The following MYH13 variants were observed in gnomAD, a reference collection of about 807,000 sequenced individuals.
MYH13 encodes myosin-13.
A neutral mutation model predicts 232.1 loss-of-function variants in MYH13; 177 were observed. The ratio of observed to expected loss-of-function variants is 0.76; its 90% CI spans 0.67 to 0.86. The LOEUF (loss-of-function observed/expected upper bound fraction) is 0.86. Ranked by LOEUF, MYH13 falls within the 40% of genes least tolerant of loss-of-function variation. MYH13 has a pLI of 0.00. For synonymous variants in MYH13, 884 were observed against 923.5 expected, an observed-to-expected ratio of 0.96 and a Z score of 0.78; for missense variants, 2,246 against 2,405.9, an observed-to-expected ratio of 0.93 and a Z score of 1.39.
At chr17:10,356,506 G>A (rs1280465028) in intron 8 of MYH13, among the ~76,000 whole-genome samples, 2 of 152,156 alleles carry the variant, frequency 1.3e-5, no homozygotes, top group South Asian at 4.1e-4. Flanking sequence ...GTCCAGGCAT[G>A]GGTAACATAC....
rs1367057597 is a variant in MYH13, at chr17:10,304,058, G to A, written c.5467-560C>T. Among the ~76,000 whole-genome samples the A allele has an allele frequency of 6.6e-6, 1 of 152,142 alleles. No homozygotes were observed. Among genetic ancestry groups the A allele is most frequent in the Admixed American group, 6.5e-5 (1 of 15,278 alleles). On this transcript the variant is annotated intron_variant, in intron 37 of 40. Transcript: ENST00000252172. This position sits in a 1 kb window ranked among gnomAD's most constrained non-coding sequence, Gnocchi z 5.3. ...CACATATTCTCACTCATAAGTGGGA[G>A]TTGAACAATGAGAACACATGGTCAC...
Position 10,343,844 on chromosome 17 carries a change from T to G in MYH13, c.1850A>C (p.Lys617Thr). 6.2e-7 allele frequency: 1 copy of G among 1,610,522 alleles called. No homozygotes were observed. Among genetic ancestry groups the G allele is most frequent in the Non-Finnish European group, 8.5e-7 (1 of 1,177,828 alleles). The part of the protein sequence containing the change: ...VVGLYQKSSL[K>T]LLSFLFSNYA... Reference sequence around the variant, plus strand: ...GTTGGAAAAAAGGAAGGAGAGAAGCTTCAGCGAAGACTTCTGGTACAGCCC... The same window carrying G: ...GTTGGAAAAAAGGAAGGAGAGAAGCGTCAGCGAAGACTTCTGGTACAGCCC... Residue 617 changes from lysine (K) to threonine (T), a missense_variant, in exon 16 of 41, where the codon AAG becomes ACG. Transcript: ENST00000252172.
At chr17:10,349,136 A>T (rs904658311) in intron 12 of MYH13, among the ~76,000 whole-genome samples, 3 of 144,142 alleles carry the variant, frequency 2.1e-5, no homozygotes, top group African/African-American at 7.8e-5. Flanking sequence ...GAGTTTCACG[A>T]TTTTCACCCA....
intron 13 of MYH13, 73 bp from the exon 14 acceptor site, chr17:10,345,689 T>TTA (rs2071658593): frequency 6.2e-7 from 1 of 1,610,070 alleles, no homozygotes; most frequent in South Asian, 1.1e-5. Context: ...ACATATGAAA[T>TTA]TGACTCGAAA....
At chr17:10,311,266 C>T (rs780393823) in intron 32 of MYH13, 39 bp from the exon 33 acceptor site, 29 of 1,612,012 alleles carry the variant, frequency 1.8e-5, no homozygotes, top group Middle Eastern at 1.7e-4. Flanking sequence ...TTTCAACAGG[C>T]TCCAGTTTAT....
At chr17:10,357,475 A>G (rs1220032269) in intron 8 of MYH13, among the ~76,000 whole-genome samples, 2 of 152,188 alleles carry the variant, frequency 1.3e-5, no homozygotes. Context: ...GTGGGATTTG[A>G]ATCATGTGAG....
rs757791680 is a variant in MYH13 at position 10,338,689 on chromosome 17, G to GTTTTT, written c.2056+1456_2056+1460dup. ...AGATTAAAATGCCACTTTTATCCTT[G>GTTTTT]TTTTTTTTTTTTTTTTGTTTGTTTT... is the stretch of plus-strand genomic sequence containing the variant. On this transcript the variant is annotated intron_variant, in intron 18 of 40. Transcript: ENST00000252172. Among the ~76,000 whole-genome samples the GTTTTT allele has an allele frequency of 2.4e-3, 260 of 108,692 alleles. 3 individuals carry two copies. The highest frequency in any genetic ancestry group is 3.2e-3 in the Non-Finnish European group (172 of 53,076). 71.3% of individuals were successfully genotyped at this position (108,692 alleles called of 152,430 possible). A position where few individuals can be genotyped will look rare whatever the true frequency, so the allele number is the denominator to read the frequency against.
In MYH13 at chr17:10,323,787, A is replaced by AAAGAAG. The variant is rs571033999; in HGVS notation, c.2934+229_2934+234dup. On this transcript the variant is annotated intron_variant, in intron 23 of 40. Coordinates refer to ENST00000252172, the MANE Select transcript of MYH13 (RefSeq NM_003802.3). Reference sequence around the variant, plus strand: ...CACAAAAAAAAAAAAAAAAAAAAAAAAAGAAGAAGAAGAAGAAGAAGAAGA... The same window carrying AAAGAAG: ...CACAAAAAAAAAAAAAAAAAAAAAAAAAGAAGAAGAAGAAGAAGAAGAAGAAGAAGA... Among the ~76,000 whole-genome samples the AAAGAAG allele has an allele frequency of 5.2e-3, 347 of 66,738 alleles. 2 individuals carry two copies. Among genetic ancestry groups the AAAGAAG allele is most frequent in the African/African-American group, 0.015 (247 of 15,936 alleles). 43.8% of individuals were successfully genotyped at this position (66,738 alleles called of 152,430 possible).
intron 22 of MYH13, 107 bp downstream of exon 22, chr17:10,327,759 T>G (rs917617614): frequency 1.0e-4 from 141 of 1,389,958 alleles, no homozygotes; most frequent in Non-Finnish European, 1.4e-4. Flanking sequence ...GACCACTGGG[T>G]GGCACCACTG....
intron 21 of MYH13, among the ~76,000 whole-genome samples, chr17:10,330,082 G>A (rs1276938040): frequency 2.0e-5 from 3 of 151,964 alleles, no homozygotes; most frequent in Non-Finnish European, 4.4e-5. Flanking sequence ...TCAGGCTGGG[G>A]GCTTATTCTT....
intron 11 of MYH13, 167 bp from the exon 12 acceptor site, chr17:10,350,861 G>A: frequency 1.2e-6 from 1 of 845,390 alleles, no homozygotes; most frequent in Non-Finnish European, 1.9e-6. Context: ...TTTGTTTCAC[G>A]TGTTTGTGTG....
In MYH13 at chr17:10,364,446, T is replaced by G; in HGVS notation, c.85A>C (p.Asn29His). 2 of 1,613,220 alleles carry G rather than the reference T, an allele frequency of 1.2e-6. No homozygotes were observed. Among genetic ancestry groups the G allele is most frequent in the South Asian group, 1.1e-5 (1 of 90,788 alleles). Residue 29 changes from asparagine (N) to histidine (H), a missense_variant, in exon 3 of 41, where the codon AAT becomes CAT. Physicochemically the swap from Asn to His is moderately conservative, Grantham distance 68. Coordinates refer to ENST00000252172, the MANE Select transcript of MYH13 (RefSeq NM_003802.3). The part of the protein sequence containing the change: ...KPEKERIEAQ[N>H]RPFDSKKACF... Reference sequence around the variant, plus strand: ...GCTTTCTTGGAATCGAATGGACGATTTTGAGCCTCGATTCTCTCCTTCTCT... The same window carrying G: ...GCTTTCTTGGAATCGAATGGACGATGTTGAGCCTCGATTCTCTCCTTCTCT...
chr17:10,361,968 ATGT>A (rs1166092180), intron 5 of MYH13, 147 bp downstream of exon 5: 50 of 1,444,542 alleles, frequency 3.5e-5, no homozygotes, highest in South Asian at 1.4e-4. Context: ...GCAATGGAAG[ATGT>A]TGTACCCTTT....
chr17:10,313,187 A>G lies in MYH13; in HGVS notation c.4152T>C (p.Ile1384=), dbSNP rs372404698. ...CCTCCTCCAGCTCCTCTGTGCGCTG[A>G]ATGGCGTCCGTCTCGTATTTGGTCC... ...QWRTKYETDA[I]QRTEELEEAK... Residue 1384 remains isoleucine, a synonymous_variant, in exon 30 of 41, where the codon ATT becomes ATC. Coordinates refer to ENST00000252172, the MANE Select transcript of MYH13 (RefSeq NM_003802.3). 114 of 1,614,008 alleles carry G rather than the reference A, an allele frequency of 7.1e-5. No homozygotes were observed. Among genetic ancestry groups the G allele is most frequent in the South Asian group, 2.1e-4 (19 of 91,084 alleles).
At position 10,332,242 on chromosome 17, in the gene MYH13, C is replaced by T; in HGVS notation, c.2175-20G>A. The T allele has an allele frequency of 6.2e-7, 1 of 1,611,654 alleles. No homozygotes were observed. The highest frequency in any genetic ancestry group is 8.5e-7 in the Non-Finnish European group (1 of 1,177,910). Reference sequence around the variant, plus strand: ...CGGTACCTAAGGAGAGAGGACATTTCCCAAATGGATTCCAATCCCCGAAAG... The same window carrying T: ...CGGTACCTAAGGAGAGAGGACATTTTCCAAATGGATTCCAATCCCCGAAAG... On this transcript the variant is annotated intron_variant, in intron 19 of 40. Coordinates refer to ENST00000252172, the MANE Select transcript of MYH13 (RefSeq NM_003802.3).
At chr17:10,318,308 C>A (rs1010911267) in intron 27 of MYH13, among the ~76,000 whole-genome samples, 4 of 152,112 alleles carry the variant, frequency 2.6e-5, no homozygotes, top group Admixed American at 2.0e-4. Flanking sequence ...TGTGTCCCCC[C>A]AAAATTCATA....
rs1184896227 is a variant in MYH13 at position 10,301,720 on chromosome 17, G to A, written c.5668-17C>T. 6.2e-7 allele frequency: 1 copy of A among 1,612,030 alleles called. No homozygotes were observed. Among genetic ancestry groups the A allele is most frequent in the African/African-American group, 1.3e-5 (1 of 74,934 alleles). ...CTGCTCCTCCTGCACAGGAGACAGA[G>A]GGGGTATGACGCTGTAGAGCCTCTC... On this transcript the variant is annotated splice_polypyrimidine_tract_variant and intron_variant, in intron 39 of 40. Coordinates refer to ENST00000252172, the MANE Select transcript of MYH13 (RefSeq NM_003802.3).
At chr17:10,300,995 G>A in intron 40 of MYH13, 30 bp from the exon 41 acceptor site, 4 of 1,607,726 alleles carry the variant, frequency 2.5e-6, no homozygotes, top group Non-Finnish European at 3.4e-6. Flanking sequence ...TTGTACATAG[G>A]AAATGAGTCA....
At chr17:10,314,567 C>T (rs537885693) in intron 29 of MYH13, among the ~76,000 whole-genome samples, 1 of 152,346 alleles carries the variant, frequency 6.6e-6, no homozygotes, top group African/African-American at 2.4e-5. Context: ...CCTTTCCCCT[C>T]ATCTACCAAA....
Sources: gnomAD v4.1 joint callset for allele counts (sites outside exome capture counted in the v4.1 genomes callset) on GRCh38, gnomAD v4.1.1 for gene constraint, Gnocchi (gnomAD v3.1) non-coding constraint, MANE v1.5 for transcripts, NCBI Gene and HGNC (gene_info 2026-07-23, HGNC 2026-07-21) for gene names.